NRCAM: variants seen among roughly 807,000 people sequenced by gnomAD.
NRCAM encodes the protein neuronal cell adhesion molecule.
In NRCAM, 83 loss-of-function variants were observed where a neutral mutation model predicts 156.5. That is an observed-to-expected ratio of 0.53 (90% CI 0.44 to 0.64). The LOEUF (loss-of-function observed/expected upper bound fraction) is 0.64, where lower values mean the gene tolerates loss of function less well. NRCAM is among the 30% of genes least tolerant of loss of function. The pLI is 0.00. For missense variants in NRCAM, 1,417 were observed against 1,597.3 expected, an observed-to-expected ratio of 0.89 and a Z score of 1.92; for synonymous variants, 538 against 563.9, an observed-to-expected ratio of 0.95 and a Z score of 0.65.
chr7:108,268,993 C>T (rs1371494246), intron 3 of NRCAM, among the ~76,000 whole-genome samples: 8 of 152,064 alleles, frequency 5.3e-5, no homozygotes, highest in Non-Finnish European at 1.2e-4. Flanking sequence ...AACTGAGGCA[C>T]AGTATATGCA....
chr7:108,232,723 C>T (rs1182306138), intron 6 of NRCAM, among the ~76,000 whole-genome samples: 2 of 152,032 alleles, frequency 1.3e-5, no homozygotes, highest in African/African-American at 4.8e-5. Context: ...TTTTAAGGTA[C>T]CTGTCTTCTT....
At chr7:108,218,691 T>C (rs1366180345) in intron 11 of NRCAM, among the ~76,000 whole-genome samples, 1 of 152,002 alleles carries the variant, frequency 6.6e-6, no homozygotes, top group Admixed American at 6.6e-5. Context: ...TATCAAAACC[T>C]CTGGGATACA....
rs556488329 is a variant in NRCAM, at chr7:108,373,115, G to A, written c.-174+26321C>T. Among the ~76,000 whole-genome samples, 11 of 152,232 alleles carry A rather than the reference G, an allele frequency of 7.2e-5. No individual in the cohort carries two copies. The East Asian group carries it at 2.1e-3, about 29-fold the overall frequency. ...AGTCACAGGAAGATAAATACTGCAT[G>A]GTTCCACTTATAGGAGGTATCTAAA... On this transcript the variant is annotated intron_variant, in intron 2 of 32. Transcript: ENST00000379028.
At chr7:108,265,741 A>G (rs765644817) in intron 3 of NRCAM, among the ~76,000 whole-genome samples, 3 of 152,244 alleles carry the variant, frequency 2.0e-5, no homozygotes, top group Non-Finnish European at 4.4e-5. Context: ...TGTTAATACA[A>G]AGTTTCACAG....
intron 30 of NRCAM, among the ~76,000 whole-genome samples, chr7:108,165,329 C>T (rs1458783908): frequency 6.6e-6 from 1 of 152,154 alleles, no homozygotes; most frequent in African/African-American, 2.4e-5. Flanking sequence ...CTGGCAGGTA[C>T]TCGACCTCTC....
rs751996742 is a variant in NRCAM at position 108,194,044 on chromosome 7, C to A, written c.1758G>T (p.Arg586Ser). ...AATACCTTTCATCACTGGGCAGTTC[C>A]CTGTTGTCCTTCAGCCACAGGACAG... ...SLTVLWLKDN[R>S]ELPSDERFTV... The change falls in exon 17 of 33, where the codon AGG becomes AGT. Residue 586 changes from arginine (R) to serine (S), a missense_variant. Arg to Ser is a moderately radical substitution (Grantham distance 110, BLOSUM62 -1). Around this residue, in one of 2 missense-constraint regions of NRCAM, gnomAD observed 1,238 missense variants for 1,336.4 expected, o/e 0.93. Coordinates refer to ENST00000379028, the MANE Select transcript of NRCAM (RefSeq NM_001037132.4). 2 of 1,614,016 alleles carry A rather than the reference C, an allele frequency of 1.2e-6. No homozygotes were observed. The highest frequency in any genetic ancestry group is 2.2e-5 in the South Asian group (2 of 91,046).
intron 10 of NRCAM, among the ~76,000 whole-genome samples, chr7:108,224,453 T>C (rs2093057083): frequency 6.6e-6 from 1 of 152,048 alleles, no homozygotes; most frequent in African/African-American, 2.4e-5. Context: ...TGGAAATCAT[T>C]TTCCTCAATA....
In NRCAM at chr7:108,150,092, T is replaced by A. The variant is rs1171563940; in HGVS notation, c.3733A>T (p.Thr1245Ser). 6.2e-7 allele frequency: 1 copy of A among 1,613,926 alleles called. No individual in the cohort carries two copies. The highest frequency in any genetic ancestry group is 8.5e-7 in the Non-Finnish European group (1 of 1,179,944). The change falls in exon 33 of 33, where the codon ACT becomes TCT. Residue 1245 changes from threonine to serine, a missense_variant. Thr to Ser is a moderately conservative substitution (Grantham distance 58, BLOSUM62 1). This residue lies in a region of NRCAM where 179 missense variants were observed against 260.9 expected (regional missense o/e 0.69). Coordinates refer to ENST00000379028, the MANE Select transcript of NRCAM (RefSeq NM_001037132.4). Reference protein sequence around the residue: ...KKGSRTPSDRTVKKEDSDDSL... With the variant: ...KKGSRTPSDRSVKKEDSDDSL... ...TCGTCACTATCTTCTTTTTTCACAG[T>A]CCTGTCTGAAGGAGTTCGACTTCCT...
Position 108,182,915 on chromosome 7 carries a change from C to T in NRCAM, c.2310G>A (p.Leu770=), listed in dbSNP as rs144556652. ...PDNLVITWKP[L]NGFESNGPGL... Reference sequence around the variant, plus strand: ...CTGGCCCATTAGATTCGAAACCATTCAAGGGCTACAAGGAAAGCCAAATAA... The same window carrying T: ...CTGGCCCATTAGATTCGAAACCATTTAAGGGCTACAAGGAAAGCCAAATAA... Residue 770 remains leucine, a synonymous_variant, in exon 23 of 33, where the codon TTG becomes TTA. Coordinates refer to ENST00000379028, the MANE Select transcript of NRCAM (RefSeq NM_001037132.4). 1.0e-4 allele frequency: 169 copies of T among 1,613,862 alleles called. No individual in the cohort carries two copies. In the African/African-American group the frequency reaches 2.2e-3, roughly 21 times the overall value.
chr7:108,453,845 T>C (rs1396604781), intron 1 of NRCAM, among the ~76,000 whole-genome samples: 2 of 152,192 alleles, frequency 1.3e-5, no homozygotes, highest in Non-Finnish European at 2.9e-5. Flanking sequence ...AGCATCTTCA[T>C]AAATGCCCCC....
At chr7:108,349,180 T>C (rs2154289937) in intron 2 of NRCAM, among the ~76,000 whole-genome samples, 1 of 152,254 alleles carries the variant, frequency 6.6e-6, no homozygotes, top group Non-Finnish European at 1.5e-5. Context: ...GGTTGTATTG[T>C]TATTACTGCT....
intron 5 of NRCAM, among the ~76,000 whole-genome samples, chr7:108,236,167 T>A (rs2094962644): frequency 1.3e-5 from 2 of 152,208 alleles, no homozygotes; most frequent in Non-Finnish European, 2.9e-5. Context: ...TTGCTAGAGC[T>A]AAATGTATCA....
At chr7:108,358,208 G>GAGC (rs1335733789) in intron 2 of NRCAM, among the ~76,000 whole-genome samples, 1 of 146,146 alleles carries the variant, frequency 6.8e-6, no homozygotes. Context: ...AGGAGTTCAA[G>GAGC]AGCAGCCTGG....
rs548609802 is a variant in NRCAM, at chr7:108,225,664, A to C, written c.759T>G (p.Ser253Arg). 6.3e-7 allele frequency: 1 copy of C among 1,597,848 alleles called. No homozygotes were observed. The highest frequency in any genetic ancestry group is 1.1e-5 in the South Asian group (1 of 90,728). Residue 253 changes from serine (S) to arginine (R), a missense_variant, in exon 10 of 33, where the codon AGT becomes AGG. Ser to Arg is a moderately radical substitution (Grantham distance 110). Around this residue, in one of 2 missense-constraint regions of NRCAM, gnomAD observed 1,238 missense variants for 1,336.4 expected, o/e 0.93. Coordinates refer to ENST00000379028, the MANE Select transcript of NRCAM (RefSeq NM_001037132.4). Reference protein sequence around the residue: ...ELNDTIAANLSDTEFYGAKSS... With the variant: ...ELNDTIAANLRDTEFYGAKSS... ...ACTCACCACCATAAAACTCAGTGTC[A>C]CTCAAATTAGCAGCTATAGTGTCAT...
In NRCAM at chr7:108,207,663, T is replaced by C. The variant is rs2081874888; in HGVS notation, c.1076-4A>G. The C allele has an allele frequency of 6.3e-7, 1 of 1,590,970 alleles. No homozygotes were observed. The highest frequency in any genetic ancestry group is 1.4e-5 in the African/African-American group (1 of 73,706). ...GCTGTGATCCAGTATGGAGCCGCTT[T>C]ATAGGAGGAAGAAAAAAGACCAAAA... On this transcript the variant is annotated splice_polypyrimidine_tract_variant and splice_region_variant and intron_variant, in intron 12 of 32. Coordinates refer to ENST00000379028, the MANE Select transcript of NRCAM (RefSeq NM_001037132.4).
intron 1 of NRCAM, among the ~76,000 whole-genome samples, chr7:108,451,507 G>A (rs113635973): frequency 0.044 from 6,758 of 152,216 alleles, 452 homozygotes; most frequent in African/African-American, 0.15. Flanking sequence ...GTACATCCAT[G>A]TTCATGGCAG....
chr7:108,242,581 G>A (rs1056093147), intron 3 of NRCAM, among the ~76,000 whole-genome samples: 1 of 152,176 alleles, frequency 6.6e-6, no homozygotes, highest in African/African-American at 2.4e-5. Context: ...AAGCTTTAGG[G>A]AAGTTAAAAA....
chr7:108,390,447 T>C (rs1008368266), intron 2 of NRCAM, among the ~76,000 whole-genome samples: 4 of 152,208 alleles, frequency 2.6e-5, no homozygotes, highest in African/African-American at 9.6e-5. Flanking sequence ...ATTGCATCTA[T>C]TTGATTCTTC....
chr7:108,200,407 T>G lies in NRCAM; in HGVS notation c.1208-2308A>C, dbSNP rs192679149. 3.8e-3 allele frequency among the ~76,000 whole-genome samples: 575 copies of G among 152,144 alleles called. 7 individuals are homozygous for G. Among genetic ancestry groups the G allele is most frequent in the African/African-American group, 0.013 (544 of 41,482 alleles). On this transcript the variant is annotated intron_variant, in intron 13 of 32. Coordinates refer to ENST00000379028, the MANE Select transcript of NRCAM (RefSeq NM_001037132.4). Reference sequence around the variant, plus strand: ...AACACAGTGTACCTTAGGGCAGCCATGGACCCTGAAAACACAGTGTACCTT... The same window carrying G: ...AACACAGTGTACCTTAGGGCAGCCAGGGACCCTGAAAACACAGTGTACCTT...
Sources: gnomAD v4.1 joint callset for allele counts (sites outside exome capture counted in the v4.1 genomes callset) on GRCh38, gnomAD v4.1.1 for gene constraint, gnomAD v4.1.1 regional missense constraint, MANE v1.5 for transcripts, NCBI Gene and HGNC (gene_info 2026-07-23, HGNC 2026-07-21) for gene names.